Variants in TCEA3 observed in about 807,000 individuals in gnomAD.
TCEA3 encodes the protein transcription elongation factor A3.
A neutral mutation model predicts 44.0 loss-of-function variants in TCEA3; 36 were observed. The observed-to-expected ratio is 0.82, with a 90% CI of 0.63 to 1.08. The LOEUF (loss-of-function observed/expected upper bound fraction) is 1.08. TCEA3 is among the 50% of genes least tolerant of loss of function. The pLI is 0.00. For missense variants in TCEA3, 392 were observed against 441.2 expected (o/e 0.89, Z 1.00); for synonymous variants, 162 against 159.7 (o/e 1.01, Z -0.11).
At position 23,397,723 on chromosome 1, in the gene TCEA3, C is replaced by A. The variant is rs1639260460; in HGVS notation, c.607+69G>T. ...TGGGGTGCTGAGAAAGACTGAATTT[C>A]ATCTGCCCTCAGTGAGATTGGGAAA... On this transcript the variant is annotated intron_variant, in intron 6 of 10. Transcript: ENST00000450454. 15 of 1,610,354 alleles carry A rather than the reference C, an allele frequency of 9.3e-6. No individual in the cohort carries two copies. In the South Asian group the frequency reaches 1.5e-4, roughly 17 times the overall value.
chr1:23,424,728 C>G lies in TCEA3; in HGVS notation c.-95G>C, dbSNP rs1449250195. On this transcript the variant is annotated 5_prime_UTR_variant, in exon 1 of 11. Transcript: ENST00000450454. ...GAAGGCGGAGGGCGCGCAACCCGCG[C>G]GGGCCCCAAACACACACGACACACA... The G allele has an allele frequency of 5.3e-6, 5 of 946,650 alleles. No homozygotes were observed. The highest frequency in any genetic ancestry group is 2.2e-5 in the Admixed American group (1 of 45,212). The allele number at this position is 946,650 out of a possible 1,614,324, so 58.6% of individuals were successfully genotyped here.
At chr1:23,415,954 G>C (rs1376649381) in intron 4 of TCEA3, among the ~76,000 whole-genome samples, 1 of 151,670 alleles carries the variant, frequency 6.6e-6, no homozygotes, top group East Asian at 1.9e-4. Flanking sequence ...TTGTCTTTGG[G>C]TGGTGGGAAT....
Position 23,397,926 on chromosome 1 carries a change from C to G in TCEA3, c.473G>C (p.Ser158Thr), listed in dbSNP as rs781288299. The G allele has an allele frequency of 1.9e-6, 3 of 1,613,732 alleles. No individual in the cohort carries two copies. The highest frequency in any genetic ancestry group is 2.5e-6 in the Non-Finnish European group (3 of 1,179,818). The change falls in exon 6 of 11, where the codon AGC (serine) becomes ACC (threonine). Residue 158 changes from serine to threonine, a missense_variant. Ser to Thr is a moderately conservative substitution (Grantham distance 58). Coordinates refer to ENST00000450454, the MANE Select transcript of TCEA3 (RefSeq NM_003196.3). ...RSNSSKSKAE[S>T]PKTPSSPLTP... ...CAAGGGGCTGCTAGGTGTTTTGGGG[C>G]TCTCCGCTTTTGATTTGCTGCTGTT... is the stretch of plus-strand genomic sequence containing the variant.
intron 5 of TCEA3, among the ~76,000 whole-genome samples, chr1:23,399,144 G>GTATATATA (rs60424866): frequency 0.17 from 10,325 of 60,304 alleles, 1,488 homozygotes; most frequent in Non-Finnish European, 0.24. Context: ...ATGTATATAT[G>GTATATATA]TATATATATA....
At chr1:23,403,200 G>A (rs1558049703) in intron 5 of TCEA3, among the ~76,000 whole-genome samples, 2 of 152,206 alleles carry the variant, frequency 1.3e-5, no homozygotes, top group African/African-American at 4.8e-5. Flanking sequence ...GAGCCCCAAC[G>A]AATGACAGTA....
chr1:23,382,085 C>G (rs1403308577), intron 10 of TCEA3, among the ~76,000 whole-genome samples: 3 of 144,928 alleles, frequency 2.1e-5, no homozygotes, highest in African/African-American at 7.5e-5. Context: ...TTTCACTTGT[C>G]ACCCAGGCTG....
chr1:23,384,775 T>C (rs1638778964), intron 9 of TCEA3, among the ~76,000 whole-genome samples: 1 of 149,124 alleles, frequency 6.7e-6, no homozygotes, highest in Admixed American at 6.7e-5. Context: ...CAAGCAATTC[T>C]CCTGCCTCAG....
chr1:23,399,150 A>G (rs932695645), intron 5 of TCEA3, among the ~76,000 whole-genome samples: 16 of 101,364 alleles, frequency 1.6e-4, no homozygotes, highest in African/African-American at 8.1e-4. Context: ...ATATGTATAT[A>G]TATATATATA....
chr1:23,412,910 G>A (rs1180338695), intron 4 of TCEA3, among the ~76,000 whole-genome samples: 1 of 152,132 alleles, frequency 6.6e-6, no homozygotes, highest in African/African-American at 2.4e-5. Flanking sequence ...AAACTAAAAA[G>A]GAAGGAAATT....
At chr1:23,393,730 T>C in intron 8 of TCEA3, 149 bp downstream of exon 8, 1 of 1,066,456 alleles carries the variant, frequency 9.4e-7, no homozygotes, top group Non-Finnish European at 1.3e-6. Flanking sequence ...ATCCTGCTAG[T>C]CCAGAGCCCA....
intron 7 of TCEA3, among the ~76,000 whole-genome samples, chr1:23,394,590 G>C (rs1489129988): frequency 2.6e-5 from 4 of 152,170 alleles, no homozygotes; most frequent in African/African-American, 9.7e-5. Flanking sequence ...AGAAACCACT[G>C]AGCTTTGTTT....
At chr1:23,408,575 C>A (rs1639619468) in intron 5 of TCEA3, 89 bp downstream of exon 5, 1 of 1,353,362 alleles carries the variant, frequency 7.4e-7, no homozygotes, top group Non-Finnish European at 1.0e-6. Context: ...TCCCTCCTTT[C>A]CTCTGCCTTG....
At chr1:23,422,454 A>C (rs1235872258) in intron 1 of TCEA3, among the ~76,000 whole-genome samples, 2 of 152,200 alleles carry the variant, frequency 1.3e-5, no homozygotes, top group East Asian at 3.8e-4. Context: ...ACAAAGCCTT[A>C]AGTGGCTGAG....
intron 7 of TCEA3, among the ~76,000 whole-genome samples, chr1:23,396,565 C>T (rs749079188): frequency 3.2e-4 from 48 of 152,174 alleles, no homozygotes; most frequent in Admixed American, 9.2e-4. Context: ...TCTCCAGTCC[C>T]GCTTTGACAG....
chr1:23,393,176 G>A (rs1033104098), intron 8 of TCEA3, among the ~76,000 whole-genome samples: 4 of 152,000 alleles, frequency 2.6e-5, no homozygotes, highest in Non-Finnish European at 4.4e-5. Context: ...ATCTAATGCC[G>A]TCACTGATCT....
rs532463328 is a variant in TCEA3 at position 23,408,879 on chromosome 1, C to A, written c.381-153G>T. 3.9e-5 allele frequency among the ~76,000 whole-genome samples: 6 copies of A among 152,296 alleles called. No individual in the cohort carries two copies. In the South Asian group the frequency reaches 8.3e-4, roughly 21 times the overall value. On this transcript the variant is annotated intron_variant, in intron 4 of 10. Transcript: ENST00000450454. ...GCTACTTGGGAGAGGGAGCTCCAGG[C>A]GGTGCCGGCTGGTCATGACCTTCAC...
chr1:23,391,518 C>T (rs547000776), intron 8 of TCEA3, among the ~76,000 whole-genome samples: 1 of 152,118 alleles, frequency 6.6e-6, no homozygotes, highest in South Asian at 2.1e-4. Context: ...TGAGAAAGAC[C>T]CCTCCACCAT....
At chr1:23,384,166 T>C in intron 10 of TCEA3, 180 bp downstream of exon 10, 1 of 1,427,932 alleles carries the variant, frequency 7.0e-7, no homozygotes, top group Middle Eastern at 2.5e-4. Context: ...CATGCATGTG[T>C]GTTCTCTCCC....
At chr1:23,402,740 C>T (rs913481528) in intron 5 of TCEA3, among the ~76,000 whole-genome samples, 1 of 152,222 alleles carries the variant, frequency 6.6e-6, no homozygotes, top group African/African-American at 2.4e-5. Context: ...CTCCAGATTA[C>T]AGGCTCCAGA....
Sources: gnomAD v4.1 joint callset for allele counts (sites outside exome capture counted in the v4.1 genomes callset) on GRCh38, gnomAD v4.1.1 for gene constraint, MANE v1.5 for transcripts, NCBI Gene and HGNC (gene_info 2026-07-23, HGNC 2026-07-21) for gene names.